The following ADD2 variants were observed in gnomAD, a reference collection of about 807,000 sequenced individuals.
ADD2 encodes beta-adducin.
A neutral mutation model predicts 83.0 loss-of-function variants in ADD2; 23 were observed. That is an observed-to-expected ratio of 0.28 (90% CI 0.20 to 0.39). The LOEUF is 0.39. Ranked by LOEUF, ADD2 falls within the 10% of genes least tolerant of loss-of-function variation. The pLI is 1.00. For synonymous variants in ADD2, 375 were observed against 375.4 expected (o/e 1.00, Z 0.01); for missense variants, 758 against 944.9 (o/e 0.80, Z 2.59).
intron 12 of ADD2, among the ~76,000 whole-genome samples, chr2:70,677,196 C>T (rs925444694): frequency 6.6e-6 from 1 of 152,006 alleles, no homozygotes; most frequent in Non-Finnish European, 1.5e-5. Context: ...ATTCTAGGCA[C>T]CCCCCACCAT....
In ADD2 at chr2:70,658,317, A is replaced by T. The variant is rs1464268138; in HGVS notation, c.*5108T>A. 6.6e-6 allele frequency: 1 copy of T among 152,174 alleles called. No individual in the cohort carries two copies. The highest frequency in any genetic ancestry group is 2.4e-5 in the African/African-American group (1 of 41,448). 9.4% of individuals were successfully genotyped at this position (152,174 alleles called of 1,614,324 possible). ...GACCGAGCTCTACGTGTGGTCTCTC[A>T]TTTATGACAGAAAGTGTGCCACATC... On this transcript the variant is annotated 3_prime_UTR_variant, in exon 16 of 16. Coordinates refer to ENST00000264436, the MANE Select transcript of ADD2 (RefSeq NM_001617.4).
In ADD2 at chr2:70,669,260, A is replaced by C. The variant is rs77501433; in HGVS notation, c.1870+3618T>G. Among the ~76,000 whole-genome samples, 1,161 of 152,000 alleles carry C rather than the reference A, an allele frequency of 7.6e-3. 14 individuals carry two copies. Among genetic ancestry groups the C allele is most frequent in the African/African-American group, 0.026 (1,078 of 41,390 alleles). ...ATTCTCAAACATCCGTGTCTGAAAG[A>C]ATCACCCAGAGAGCTTGTGAAAATG... is the stretch of plus-strand genomic sequence containing the variant. On this transcript the variant is annotated intron_variant, in intron 15 of 15. Coordinates refer to ENST00000264436, the MANE Select transcript of ADD2 (RefSeq NM_001617.4).
chr2:70,671,612 G>A (rs3771466), intron 15 of ADD2, among the ~76,000 whole-genome samples: 51,015 of 152,044 alleles, frequency 0.34, 8,772 homozygotes, highest in African/African-American at 0.43. Context: ...TTTGATGAAG[G>A]CACAAATGGG....
chr2:70,702,822 A>AT (rs1671666803), intron 4 of ADD2, among the ~76,000 whole-genome samples: 1 of 152,166 alleles, frequency 6.6e-6, no homozygotes, highest in African/African-American at 2.4e-5. Context: ...TAAAAAGGCA[A>AT]TTTACTATAA....
chr2:70,741,099 TA>T (rs1321226569), intron 1 of ADD2, among the ~76,000 whole-genome samples: 7 of 152,050 alleles, frequency 4.6e-5, no homozygotes, highest in Admixed American at 1.3e-4. Context: ...GAGGATGATT[TA>T]AAAAAAGAAA....
chr2:70,674,532 G>T, intron 14 of ADD2, 146 bp downstream of exon 14: 1 of 864,890 alleles, frequency 1.2e-6, no homozygotes, highest in Non-Finnish European at 1.8e-6. Context: ...CAGGAACAGA[G>T]CAATGAAGGG....
intron 6 of ADD2, 69 bp downstream of exon 6, chr2:70,695,652 G>T: frequency 6.9e-7 from 1 of 1,443,004 alleles, no homozygotes; most frequent in Non-Finnish European, 9.7e-7. Flanking sequence ...AGATGACCTA[G>T]CACTGTGGGA....
At chr2:70,736,029 A>G (rs1673539438) in intron 1 of ADD2, among the ~76,000 whole-genome samples, 2 of 151,998 alleles carry the variant, frequency 1.3e-5, no homozygotes, top group South Asian at 4.2e-4. Context: ...CCATCGCAGA[A>G]GCCTGACCAG....
rs1366843904 is a variant in ADD2, at chr2:70,676,769, G to A, written c.1593+27C>T. ...ACCCCGAAGGCAAACACGTTTCCCC[G>A]CCAGTCAGGGGCAGCCTCTGCTCTA... On this transcript the variant is annotated intron_variant, in intron 13 of 15. Transcript: ENST00000264436. This position sits in a 1 kb window ranked among gnomAD's most constrained non-coding sequence, Gnocchi z 4.8. 4 of 1,613,954 alleles carry A rather than the reference G, an allele frequency of 2.5e-6. No individual in the cohort carries two copies. Among genetic ancestry groups the A allele is most frequent in the Non-Finnish European group, 2.5e-6 (3 of 1,179,958 alleles).
At chr2:70,708,344 A>G (rs1304738142) in intron 2 of ADD2, among the ~76,000 whole-genome samples, 3 of 152,224 alleles carry the variant, frequency 2.0e-5, no homozygotes, top group African/African-American at 7.2e-5. Flanking sequence ...TTGGGTGCAC[A>G]ATAGCATCAC....
intron 6 of ADD2, 68 bp from the exon 7 acceptor site, chr2:70,692,620 GGTGGGCCCAGCAT>G: frequency 1.3e-6 from 2 of 1,485,762 alleles, no homozygotes; most frequent in Non-Finnish European, 1.8e-6. Context: ...TCTCCCAGCT[GGTGGGCCCAGCAT>G]GTGCCGCCCA....
chr2:70,700,212 T>C (rs961634499), intron 4 of ADD2, among the ~76,000 whole-genome samples: 2 of 152,090 alleles, frequency 1.3e-5, no homozygotes, highest in Non-Finnish European at 2.9e-5. Flanking sequence ...TCACAGAGAA[T>C]ACCTGAATAT....
chr2:70,704,283 C>CCCCA, intron 4 of ADD2, 38 bp downstream of exon 4: 1 of 1,552,428 alleles, frequency 6.4e-7, no homozygotes, highest in Non-Finnish European at 8.8e-7. Flanking sequence ...ACCCTCCCCT[C>CCCCA]CACCTCTGCT....
At chr2:70,667,516 C>T (rs571707460) in intron 15 of ADD2, among the ~76,000 whole-genome samples, 1 of 152,308 alleles carries the variant, frequency 6.6e-6, no homozygotes, top group South Asian at 2.1e-4. Flanking sequence ...CACCAATGAA[C>T]ATGTGGTGGT....
chr2:70,670,721 G>A lies in ADD2; in HGVS notation c.1870+2157C>T, dbSNP rs549719977. On this transcript the variant is annotated intron_variant, in intron 15 of 15. Coordinates refer to ENST00000264436, the MANE Select transcript of ADD2 (RefSeq NM_001617.4). ...GCTAGATGTGAAAGAGCAGAGACTT[G>A]CATGGTGGGTCAGTTCTGTCTGCCC... Among the ~76,000 whole-genome samples the A allele has an allele frequency of 5.3e-5, 8 of 152,320 alleles. No individual in the cohort carries two copies. In the East Asian group the frequency reaches 1.5e-3, roughly 29 times the overall value.
At chr2:70,747,069 G>C (rs1553382151) in intron 1 of ADD2, among the ~76,000 whole-genome samples, 1 of 148,500 alleles carries the variant, frequency 6.7e-6, no homozygotes, top group African/African-American at 2.5e-5. Context: ...GAGTGCAGTG[G>C]AGCTGATCTT....
chr2:70,753,727 T>C (rs868949511), intron 1 of ADD2, among the ~76,000 whole-genome samples: 4 of 152,152 alleles, frequency 2.6e-5, no homozygotes, highest in Non-Finnish European at 5.9e-5. Context: ...TTCGTCATTC[T>C]GGAAAGTGAT....
chr2:70,696,419 T>G (rs782649735), intron 4 of ADD2, 23 bp from the exon 5 acceptor site: 1 of 1,613,834 alleles, frequency 6.2e-7, no homozygotes, highest in Non-Finnish European at 8.5e-7. Flanking sequence ...TGCAGTTCTC[T>G]CAGGGCCAGG....
intron 1 of ADD2, chr2:70,767,559 G>A: frequency 9.5e-7 from 1 of 1,054,160 alleles, no homozygotes; most frequent in Non-Finnish European, 1.2e-6. Context: ...GCTAGGCGAG[G>A]CGAGGCTTGC....
Sources: allele counts gnomAD v4.1 joint callset (sites outside exome capture counted in the v4.1 genomes callset), GRCh38; gene constraint gnomAD v4.1.1; non-coding constraint Gnocchi (gnomAD v3.1); transcripts MANE v1.5; gene names NCBI Gene and HGNC (gene_info 2026-07-23, HGNC 2026-07-21).